HORMAD2: variants seen among roughly 807,000 people sequenced by gnomAD.
HORMAD2 encodes HORMA domain containing 2.
A neutral mutation model predicts 38.8 loss-of-function variants in HORMAD2; 45 were observed. The observed-to-expected ratio is 1.16, with a 90% CI of 0.91 to 1.49. HORMAD2 has a LOEUF of 1.49. Ranked by LOEUF, HORMAD2 falls within the 40% of genes most tolerant of loss-of-function variation. The probability of loss-of-function intolerance (pLI) is 0.00; values close to 1 mark genes in which losing one functional copy is unlikely to be tolerated. For synonymous variants in HORMAD2, 126 were observed against 122.8 expected, an observed-to-expected ratio of 1.03 and a Z score of -0.17; for missense variants, 338 against 367.0, an observed-to-expected ratio of 0.92 and a Z score of 0.65.
intron 10 of HORMAD2, among the ~76,000 whole-genome samples, chr22:30,133,976 T>C (rs1923470424): frequency 6.6e-6 from 1 of 152,180 alleles, no homozygotes; most frequent in Non-Finnish European, 1.5e-5. Context: ...TGTGCTTTTT[T>C]TCTGCCCAAT....
At chr22:30,185,880 A>G in the HORMAD2 span, among the ~76,000 whole-genome samples, 3 of 151,996 alleles carry the variant, frequency 2.0e-5, no homozygotes, top group African/African-American at 7.2e-5. Flanking sequence ...AAAAATAAAA[A>G]GAGCTTTCAC....
chr22:30,096,047 C>A (rs967805803), intron 2 of HORMAD2, among the ~76,000 whole-genome samples: 3 of 152,028 alleles, frequency 2.0e-5, no homozygotes, highest in Non-Finnish European at 4.4e-5. Flanking sequence ...TACTAATACT[C>A]ATTTGTATCT....
chr22:30,117,820 T>G (rs1279868933), intron 7 of HORMAD2, among the ~76,000 whole-genome samples: 1 of 152,176 alleles, frequency 6.6e-6, no homozygotes, highest in African/African-American at 2.4e-5. Flanking sequence ...AGCCAGACAT[T>G]CATTTTATTT....
chr22:30,121,570 C>G, intron 8 of HORMAD2, 62 bp from the exon 9 acceptor site: 1 of 1,296,330 alleles, frequency 7.7e-7, no homozygotes, highest in East Asian at 2.7e-5. Flanking sequence ...AAGTTTTGTT[C>G]CTTTTGGGAT....
chr22:30,100,281 C>T (rs563261055), intron 3 of HORMAD2, among the ~76,000 whole-genome samples: 1 of 152,262 alleles, frequency 6.6e-6, no homozygotes, highest in Admixed American at 6.5e-5. Context: ...AATAACACCA[C>T]ACATCTACAA....
At chr22:30,082,610 C>T (rs897310160) in intron 1 of HORMAD2, among the ~76,000 whole-genome samples, 2 of 151,666 alleles carry the variant, frequency 1.3e-5, no homozygotes, top group African/African-American at 2.4e-5. Context: ...TCCACCCGCC[C>T]GCCCAACTCT....
intron 10 of HORMAD2, chr22:30,136,980 C>A (rs1923708180): frequency 3.9e-6 from 2 of 519,406 alleles, no homozygotes. Context: ...CTGGATTTGG[C>A]AGACCTGTTA....
At chr22:30,163,308 G>T (rs1325719245) in intron 10 of HORMAD2, among the ~76,000 whole-genome samples, 1 of 152,162 alleles carries the variant, frequency 6.6e-6, no homozygotes, top group Non-Finnish European at 1.5e-5. Flanking sequence ...GGGGCCAGAA[G>T]ATATTTGAAG....
chr22:30,173,823 A>G (rs1280949136), intron 10 of HORMAD2, among the ~76,000 whole-genome samples: 2 of 152,220 alleles, frequency 1.3e-5, no homozygotes, highest in African/African-American at 2.4e-5. Flanking sequence ...AGAACATTCA[A>G]GTAACAAGCA....
At chr22:30,178,752 G>A (rs572376852), downstream of HORMAD2, among the ~76,000 whole-genome samples, 1 of 152,328 alleles carries the variant, frequency 6.6e-6, no homozygotes, top group East Asian at 1.9e-4. Flanking sequence ...TCATCAGTGT[G>A]ATCACAAAGA....
intron 10 of HORMAD2, among the ~76,000 whole-genome samples, chr22:30,166,354 A>G (rs1925780992): frequency 6.6e-6 from 1 of 152,182 alleles, no homozygotes; most frequent in African/African-American, 2.4e-5. Context: ...AATGTTCTGT[A>G]TCTGTGATGT....
At chr22:30,134,387 T>TTATA (rs10680910) in intron 10 of HORMAD2, among the ~76,000 whole-genome samples, 1 of 146,768 alleles carries the variant, frequency 6.8e-6, no homozygotes, top group Non-Finnish European at 1.5e-5. Context: ...ATATATATGA[T>TTATA]TATATATATA....
chr22:30,187,660 G>A, the HORMAD2 span, among the ~76,000 whole-genome samples: 2 of 151,962 alleles, frequency 1.3e-5, no homozygotes, highest in Non-Finnish European at 2.9e-5. Context: ...AGCTAAGTTT[G>A]GAAGCACTTA....
chr22:30,201,412 CTTT>C, the HORMAD2 span, among the ~76,000 whole-genome samples: 1 of 121,084 alleles, frequency 8.3e-6, no homozygotes, highest in Admixed American at 8.9e-5. Context: ...AGAGTTAAGA[CTTT>C]TTTTTTTTTT....
chr22:30,093,999 C>T lies in HORMAD2; in HGVS notation c.47C>T (p.Ser16Phe). The T allele has an allele frequency of 4.4e-6, 7 of 1,601,064 alleles. No homozygotes were observed. Among genetic ancestry groups the T allele is most frequent in the Non-Finnish European group, 6.0e-6 (7 of 1,171,072 alleles). Residue 16 changes from serine to phenylalanine, a missense_variant, in exon 2 of 11, where the codon TCT (serine) becomes TTT (phenylalanine). Transcript: ENST00000336726. ...LSHCITIHKA[S>F]KETVFPSQIT... ...CACTGCATCACAATACACAAGGCTT[C>T]TAAGGTATTTGTTAAGAATTAAAAG...
At chr22:30,122,258 C>A in intron 10 of HORMAD2, 44 bp downstream of exon 10, 1 of 1,548,682 alleles carries the variant, frequency 6.5e-7, no homozygotes, top group South Asian at 1.2e-5. Flanking sequence ...CAGTTAAACA[C>A]AATTGATATT....
the HORMAD2 span, among the ~76,000 whole-genome samples, chr22:30,195,115 C>T: frequency 6.6e-6 from 1 of 151,440 alleles, no homozygotes; most frequent in Non-Finnish European, 1.5e-5. Flanking sequence ...ATTGCTTGAA[C>T]CCGGAAGGCA....
intron 2 of HORMAD2, among the ~76,000 whole-genome samples, chr22:30,094,746 A>G (rs2068752221): frequency 1.3e-5 from 2 of 152,158 alleles, no homozygotes; most frequent in Non-Finnish European, 2.9e-5. Context: ...ACAGACCTTG[A>G]ATGATGAAGA....
At chr22:30,190,254 A>G in the HORMAD2 span, among the ~76,000 whole-genome samples, 1 of 152,188 alleles carries the variant, frequency 6.6e-6, no homozygotes, top group Admixed American at 6.5e-5. Context: ...TTTCAGGGCA[A>G]CATCTTCTCC....
Sources: gnomAD v4.1 joint callset for allele counts (sites outside exome capture counted in the v4.1 genomes callset) on GRCh38, gnomAD v4.1.1 for gene constraint, MANE v1.5 for transcripts, NCBI Gene and HGNC (gene_info 2026-07-23, HGNC 2026-07-21) for gene names.